The following KCTD9 variants were observed in gnomAD, a reference collection of about 807,000 sequenced individuals.
The protein encoded by KCTD9 is BTB/POZ domain-containing protein KCTD9.
A neutral mutation model predicts 53.3 loss-of-function variants in KCTD9; 17 were observed. That is an observed-to-expected ratio of 0.32 (90% CI 0.22 to 0.48). KCTD9 has a LOEUF of 0.48. Among genes scored for constraint, KCTD9 ranks in the 20% least tolerant of loss-of-function variants. The pLI, the probability that KCTD9 is intolerant of heterozygous loss-of-function variation, is 0.99. For missense variants in KCTD9, 179 were observed against 465.5 expected (o/e 0.38, Z 5.66); for synonymous variants, 128 against 162.7 (o/e 0.79, Z 1.62).
Position 25,440,338 on chromosome 8 carries a change from G to A in KCTD9, c.311+239C>T, listed in dbSNP as rs565612973. ...CTCCCAAAGTGCTGGGATTACAGGCGTGAGCCACCGCGCCCAGCCAAAAGC... is the reference window on the plus strand; with the variant it reads ...CTCCCAAAGTGCTGGGATTACAGGCATGAGCCACCGCGCCCAGCCAAAAGC... On this transcript the variant is annotated intron_variant, in intron 4 of 11. Transcript: ENST00000221200. Among the ~76,000 whole-genome samples the A allele has an allele frequency of 3.8e-3, 586 of 152,208 alleles. 8 individuals are homozygous for A. The highest frequency in any genetic ancestry group is 0.013 in the African/African-American group (541 of 41,514).
chr8:25,431,784 C>G (rs963049582), intron 11 of KCTD9, among the ~76,000 whole-genome samples: 1 of 151,986 alleles, frequency 6.6e-6, no homozygotes, highest in Admixed American at 6.6e-5. Flanking sequence ...TATGAAAAAA[C>G]ATTAACAGCA....
chr8:25,445,391 A>C (rs1269240276), intron 2 of KCTD9, among the ~76,000 whole-genome samples: 1 of 152,148 alleles, frequency 6.6e-6, no homozygotes, highest in African/African-American at 2.4e-5. Context: ...ATTTATACAG[A>C]GACTTTGTAT....
At chr8:25,433,920 C>G (rs1297730145) in intron 9 of KCTD9, among the ~76,000 whole-genome samples, 1 of 152,042 alleles carries the variant, frequency 6.6e-6, no homozygotes, top group Non-Finnish European at 1.5e-5. Flanking sequence ...AGTCAGAGGT[C>G]AGAATACAAA....
At chr8:25,450,131 T>C (rs537329820) in intron 1 of KCTD9, among the ~76,000 whole-genome samples, 12 of 152,354 alleles carry the variant, frequency 7.9e-5, no homozygotes, top group African/African-American at 2.9e-4. Flanking sequence ...AATTCAACTT[T>C]TATTGCCACT....
At chr8:25,450,550 G>T in intron 1 of KCTD9, 1 of 702,804 alleles carries the variant, frequency 1.4e-6, no homozygotes, top group Non-Finnish European at 1.7e-6. Flanking sequence ...GGTGGCTCAA[G>T]CCTGTAATGC....
At chr8:25,435,778 A>T (rs2117394549) in intron 8 of KCTD9, among the ~76,000 whole-genome samples, 1 of 152,290 alleles carries the variant, frequency 6.6e-6, no homozygotes, top group African/African-American at 2.4e-5. Flanking sequence ...CTAAAGAGGG[A>T]TCCCTGTTAG....
chr8:25,446,754 C>T (rs543208672), intron 1 of KCTD9, among the ~76,000 whole-genome samples: 5 of 152,186 alleles, frequency 3.3e-5, no homozygotes, highest in Non-Finnish European at 7.3e-5. Flanking sequence ...ATCCTTAGAA[C>T]AGGAGTGTGC....
chr8:25,456,501 G>C (rs1300886405), intron 1 of KCTD9, among the ~76,000 whole-genome samples: 14 of 152,160 alleles, frequency 9.2e-5, no homozygotes, highest in African/African-American at 3.4e-4. Flanking sequence ...TTCATCAGCT[G>C]AGCAGTGAAG....
chr8:25,434,481 G>A (rs771942463), intron 9 of KCTD9, among the ~76,000 whole-genome samples: 3 of 151,586 alleles, frequency 2.0e-5, no homozygotes, highest in East Asian at 1.9e-4. Context: ...GATGCCTCTC[G>A]ACATTTCACT....
chr8:25,438,407 G>A (rs1378138842), intron 6 of KCTD9, among the ~76,000 whole-genome samples: 1 of 151,268 alleles, frequency 6.6e-6, no homozygotes, highest in East Asian at 1.9e-4. Context: ...TACAGAAACT[G>A]TAAGCCAGCA....
At chr8:25,450,435 G>A in intron 1 of KCTD9, 1 of 984,410 alleles carries the variant, frequency 1.0e-6, no homozygotes. Context: ...GTTGAAGTAG[G>A]ACACACCTTT....
In KCTD9 at chr8:25,458,241, C is replaced by T. The variant is rs1178785520; in HGVS notation, c.6G>A (p.Arg2=). ...TGCCGTTCAGGAACAGGGTCACCCG[C>T]CTCATCGCGCTGCCCCCGCTGGGTC... M[R]RVTLFLNGSP... Residue 2 remains arginine, a synonymous_variant, in exon 1 of 12, where the codon AGG becomes AGA. Coordinates refer to ENST00000221200, the MANE Select transcript of KCTD9 (RefSeq NM_017634.4). The T allele has an allele frequency of 6.2e-7, 1 of 1,610,360 alleles. No individual in the cohort carries two copies. The highest frequency in any genetic ancestry group is 1.7e-5 in the Admixed American group (1 of 59,966).
chr8:25,433,849 G>A (rs891490272), intron 9 of KCTD9, among the ~76,000 whole-genome samples: 1 of 152,124 alleles, frequency 6.6e-6, no homozygotes, highest in Non-Finnish European at 1.5e-5. Flanking sequence ...TCTTATTACT[G>A]TAGGAATCTT....
chr8:25,446,913 G>C (rs2063067), intron 1 of KCTD9, among the ~76,000 whole-genome samples: 61,864 of 151,976 alleles, frequency 0.41, 13,054 homozygotes, highest in African/African-American at 0.53. Flanking sequence ...ATGAATTGAT[G>C]TGTCCTGCTG....
intron 9 of KCTD9, 106 bp downstream of exon 9, chr8:25,435,256 TA>T: frequency 1.5e-6 from 1 of 674,110 alleles, no homozygotes; most frequent in Non-Finnish European, 2.3e-6. Flanking sequence ...TGTTTTCAAG[TA>T]AAAGCTCCAG....
chr8:25,439,608 T>C lies in KCTD9; in HGVS notation c.368A>G (p.Lys123Arg), dbSNP rs1393619271. ...TGAAAACAACGTGTTACACTCACCT[T>C]TGTCCTTAAACATGTGGGCCAGCAT... ...DSMLAHMFKD[K>R]GVWGNKQDHR... The change falls in exon 5 of 12, where the codon AAA becomes AGA. Residue 123 changes from lysine (K) to arginine (R), a missense_variant and splice_region_variant. Coordinates refer to ENST00000221200, the MANE Select transcript of KCTD9 (RefSeq NM_017634.4). 1 of 1,614,040 alleles carries C rather than the reference T, an allele frequency of 6.2e-7. No individual in the cohort carries two copies. The highest frequency in any genetic ancestry group is 8.5e-7 in the Non-Finnish European group (1 of 1,180,000).
chr8:25,458,168 G>T, intron 1 of KCTD9, 31 bp downstream of exon 1: 10 of 600,274 alleles, frequency 1.7e-5, no homozygotes, highest in Non-Finnish European at 2.4e-5. Context: ...CCCGACCCCC[G>T]GCCCGCCGCG....
At position 25,446,231 on chromosome 8, in the gene KCTD9, G is replaced by A. The variant is rs1262385687; in HGVS notation, c.68C>T (p.Thr23Ile). The stretch of plus-strand genomic sequence containing the variant: ...GGCCACAGAAAGCAAATCAGATAAA[G>A]TTCCATATACAGCAACCACCTGTAA... ...KNGKVVAVYG[T>I]LSDLLSVASS... is the part of the protein sequence containing the mutation. Residue 23 changes from threonine (T) to isoleucine (I), a missense_variant, in exon 2 of 12, where the codon ACT (threonine) becomes ATT (isoleucine). Thr to Ile is a moderately conservative substitution (Grantham distance 89). Around this residue, in one of 4 missense-constraint regions of KCTD9, gnomAD observed 115 missense variants for 250.9 expected, o/e 0.46. Coordinates refer to ENST00000221200, the MANE Select transcript of KCTD9 (RefSeq NM_017634.4). 6.2e-7 allele frequency: 1 copy of A among 1,613,892 alleles called. No individual in the cohort carries two copies.
At chr8:25,439,501 C>A in intron 5 of KCTD9, 94 bp from the exon 6 acceptor site, 1 of 1,553,912 alleles carries the variant, frequency 6.4e-7, no homozygotes, top group Middle Eastern at 1.7e-4. Flanking sequence ...AGTTTTTACT[C>A]TTAAAAACTG....
Sources: allele counts gnomAD v4.1 joint callset (sites outside exome capture counted in the v4.1 genomes callset), GRCh38; gene constraint gnomAD v4.1.1; regional missense constraint gnomAD v4.1.1; transcripts MANE v1.5; gene names NCBI Gene and HGNC (gene_info 2026-07-23, HGNC 2026-07-21).